The following HTT variants were observed in gnomAD, a reference collection of about 807,000 sequenced individuals.
HTT encodes huntingtin.
A neutral mutation model predicts 362.3 loss-of-function variants in HTT; 104 were observed. The observed-to-expected ratio is 0.29, with a 90% confidence interval of 0.24 to 0.34. HTT has a LOEUF of 0.34. Ranked by LOEUF, HTT falls within the 10% of genes least tolerant of loss-of-function variation. HTT has a pLI of 1.00. For missense variants in HTT, 3,301 were observed against 3,928.6 expected, an observed-to-expected ratio of 0.84 and a Z score of 4.27; for synonymous variants, 1,577 against 1,548.7, an observed-to-expected ratio of 1.02 and a Z score of -0.43.
At chr4:3,105,539 C>A (rs1201596270) in intron 5 of HTT, 103 bp downstream of exon 5, 3 of 805,932 alleles carry the variant, frequency 3.7e-6, no homozygotes, top group Non-Finnish European at 6.5e-6. Flanking sequence ...TCTGCCCTCT[C>A]CAAATTGCAG....
At position 3,121,341 on chromosome 4, in the gene HTT, C is replaced by G; in HGVS notation, c.1182C>G (p.Thr394=). 6.2e-7 allele frequency: 1 copy of G among 1,614,134 alleles called. No homozygotes were observed. The highest frequency in any genetic ancestry group is 2.2e-5 in the East Asian group (1 of 44,872). The stretch of plus-strand genomic sequence containing the variant: ...CGCCTCCACCCGAGCTTCTGCAAAC[C>G]CTGACCGCAGTCGGGGGCATTGGGC... The part of the protein sequence containing the change: ...FRTPPPELLQ[T]LTAVGGIGQL... Residue 394 remains threonine (T), a synonymous_variant, in exon 9 of 67, where the codon ACC becomes ACG. Coordinates refer to ENST00000355072, the MANE Select transcript of HTT (RefSeq NM_001388492.1).
chr4:3,222,332 C>T (rs2110287668), intron 53 of HTT, 55 bp from the exon 54 acceptor site: 1 of 1,493,666 alleles, frequency 6.7e-7, no homozygotes, highest in South Asian at 1.1e-5. Context: ...TGTCAGCTCT[C>T]CGTTACAGGC....
Position 3,160,329 on chromosome 4 carries a change from C to A in HTT, c.3801C>A (p.Leu1267=), listed in dbSNP as rs363099. 1 of 1,554,228 alleles carries A rather than the reference C, an allele frequency of 6.4e-7. No homozygotes were observed. The highest frequency in any genetic ancestry group is 2.4e-5 in the East Asian group (1 of 41,632). Residue 1267 remains leucine (L), a synonymous_variant, in exon 29 of 67, where the codon CTC becomes CTA. Transcript: ENST00000355072. ...QNSTEKFGGF[L]RSALDVLSQI... Reference sequence around the variant, plus strand: ...GCACGGAAAAGTTTGGAGGGTTTCTCCGCTCAGCCTTGGATGTTCTTTCTC... The same window carrying A: ...GCACGGAAAAGTTTGGAGGGTTTCTACGCTCAGCCTTGGATGTTCTTTCTC...
intron 8 of HTT, 78 bp downstream of exon 8, chr4:3,116,341 C>A: frequency 2.3e-6 from 3 of 1,278,666 alleles, no homozygotes; most frequent in Non-Finnish European, 3.3e-6. Context: ...GGAAGAGAAG[C>A]GGCAGAACCG....
intron 41 of HTT, among the ~76,000 whole-genome samples, chr4:3,203,571 A>G (rs1719691950): frequency 6.6e-6 from 1 of 152,270 alleles, no homozygotes; most frequent in African/African-American, 2.4e-5. Context: ...CAACATGTTT[A>G]GAGTGGTGAT....
rs538798640 is a variant in HTT at position 3,089,037 on chromosome 4, T to C, written c.347+2015T>C. Among the ~76,000 whole-genome samples, 3 of 152,362 alleles carry C rather than the reference T, an allele frequency of 2.0e-5. No homozygotes were observed. The East Asian group carries it at 5.8e-4, about 29-fold the overall frequency. On this transcript the variant is annotated intron_variant, in intron 2 of 66. Coordinates refer to ENST00000355072, the MANE Select transcript of HTT (RefSeq NM_001388492.1). ...AAAAAAAAGGTTTGAATTCTATCTC[T>C]GCTACCTGTGTAAGCTGGGTGACTT...
intron 26 of HTT, among the ~76,000 whole-genome samples, chr4:3,151,270 G>C (rs897964294): frequency 1.3e-5 from 2 of 152,134 alleles, no homozygotes; most frequent in Non-Finnish European, 2.9e-5. Flanking sequence ...TTCTGGGAAG[G>C]CCTCAGGAAA....
intron 40 of HTT, among the ~76,000 whole-genome samples, chr4:3,195,733 G>A (rs767668746): frequency 6.6e-6 from 1 of 152,228 alleles, no homozygotes; most frequent in Non-Finnish European, 1.5e-5. Context: ...AATGTATTGA[G>A]GGTGTTCTTG....
At chr4:3,132,254 A>G (rs920533144) in intron 16 of HTT, among the ~76,000 whole-genome samples, 12 of 152,174 alleles carry the variant, frequency 7.9e-5, no homozygotes, top group Non-Finnish European at 1.5e-4. Flanking sequence ...AGTGTGTAAT[A>G]GGGTTTTTTC....
intron 40 of HTT, among the ~76,000 whole-genome samples, chr4:3,194,923 G>A (rs1719178946): frequency 2.0e-5 from 3 of 152,214 alleles, no homozygotes; most frequent in Admixed American, 1.3e-4. Context: ...TCATGGGTAT[G>A]TGGTAGGTTT....
At chr4:3,197,372 C>T (rs1306410924) in intron 40 of HTT, among the ~76,000 whole-genome samples, 4 of 152,102 alleles carry the variant, frequency 2.6e-5, no homozygotes, top group Non-Finnish European at 4.4e-5. Context: ...CACTGTCACT[C>T]TCCAGGGCCT....
intron 26 of HTT, among the ~76,000 whole-genome samples, chr4:3,149,227 A>C (rs1716758665): frequency 6.6e-6 from 1 of 152,198 alleles, no homozygotes; most frequent in African/African-American, 2.4e-5. Flanking sequence ...CTGTGAAGCA[A>C]TAAAATCAAC....
intron 10 of HTT, among the ~76,000 whole-genome samples, chr4:3,124,785 C>A (rs1715448855): frequency 6.6e-6 from 1 of 152,176 alleles, no homozygotes; most frequent in Admixed American, 6.5e-5. Flanking sequence ...CACTCTTAAT[C>A]TCACATCATT....
At chr4:3,148,480 C>G (rs1389897296) in intron 26 of HTT, among the ~76,000 whole-genome samples, 1 of 151,946 alleles carries the variant, frequency 6.6e-6, no homozygotes, top group East Asian at 1.9e-4. Context: ...CACGAAACCC[C>G]CTCTCTACTA....
chr4:3,235,230 C>T, intron 61 of HTT, 54 bp from the exon 62 acceptor site: 2 of 1,232,832 alleles, frequency 1.6e-6, no homozygotes, highest in Admixed American at 3.4e-5. Context: ...GCTGTGAAGC[C>T]CTCTCCACGT....
intron 31 of HTT, among the ~76,000 whole-genome samples, chr4:3,173,923 G>A (rs370570162): frequency 6.6e-6 from 1 of 151,992 alleles, no homozygotes; most frequent in African/African-American, 2.4e-5. Context: ...TGCCCGTCCC[G>A]GCCTCCCAAA....
At chr4:3,167,636 G>A (rs558260806) in intron 29 of HTT, among the ~76,000 whole-genome samples, 1 of 152,130 alleles carries the variant, frequency 6.6e-6, no homozygotes, top group East Asian at 1.9e-4. Flanking sequence ...GTTACAGTCA[G>A]TGAATGTATC....
Position 3,222,367 on chromosome 4 carries a change from T to C in HTT, c.7370-20T>C. The C allele has an allele frequency of 2.5e-6, 4 of 1,602,070 alleles. No individual in the cohort carries two copies. The highest frequency in any genetic ancestry group is 3.4e-6 in the Non-Finnish European group (4 of 1,169,104). ...CTTGAGAAGGGTTGACACTCTCTCA[T>C]GTAACATTTATATTTCTAGGCTGGA... is the stretch of plus-strand genomic sequence containing the variant. On this transcript the variant is annotated intron_variant, in intron 53 of 66. Transcript: ENST00000355072.
intron 61 of HTT, among the ~76,000 whole-genome samples, chr4:3,234,979 C>T (rs1039749899): frequency 1.3e-5 from 2 of 152,100 alleles, no homozygotes; most frequent in Admixed American, 6.5e-5. Context: ...TCTAGGGCCT[C>T]GTTGAGGGAC....
Sources: gnomAD v4.1 joint callset for allele counts (sites outside exome capture counted in the v4.1 genomes callset) on GRCh38, gnomAD v4.1.1 for gene constraint, MANE v1.5 for transcripts, NCBI Gene and HGNC (gene_info 2026-07-23, HGNC 2026-07-21) for gene names.